GTPBP10: variants seen among roughly 807,000 people sequenced by gnomAD.
GTPBP10 encodes GTP-binding protein 10.
A neutral mutation model predicts 44.8 loss-of-function variants in GTPBP10; 38 were observed. The observed-to-expected ratio is 0.85, with a 90% CI of 0.65 to 1.11. The LOEUF is 1.11. GTPBP10 is among the 50% of genes most tolerant of loss of function. GTPBP10 has a pLI of 0.00. For synonymous variants in GTPBP10, 152 were observed against 150.6 expected (o/e 1.01, Z -0.07); for missense variants, 462 against 453.7 (o/e 1.02, Z -0.17).
At chr7:90,360,389 T>C (rs1795992678) in intron 4 of GTPBP10, among the ~76,000 whole-genome samples, 1 of 152,156 alleles carries the variant, frequency 6.6e-6, no homozygotes, top group Admixed American at 6.5e-5. Flanking sequence ...CCATTTATTA[T>C]ATAGAGAATC....
chr7:90,347,499 T>C (rs1230193681), intron 1 of GTPBP10: 2 of 454,912 alleles, frequency 4.4e-6, no homozygotes, highest in East Asian at 1.5e-4. Flanking sequence ...TTCAACTTTC[T>C]TGAAAAAAAA....
At position 90,355,079 on chromosome 7, in the gene GTPBP10, T is replaced by G. The variant is rs1410794059; in HGVS notation, c.320-7T>G. ...TTGCTGTAAGTATTTCTCTCCCTCT[T>G]TTTAAGGAGAACTCAATAAAGAAAA... On this transcript the variant is annotated splice_region_variant and splice_polypyrimidine_tract_variant and intron_variant, in intron 3 of 9. Transcript: ENST00000222511. 6.5e-7 allele frequency: 1 copy of G among 1,542,152 alleles called. No homozygotes were observed. The highest frequency in any genetic ancestry group is 1.2e-5 in the South Asian group (1 of 85,396).
chr7:90,356,210 A>G (rs1209266238), intron 4 of GTPBP10, among the ~76,000 whole-genome samples: 1 of 152,022 alleles, frequency 6.6e-6, no homozygotes, highest in African/African-American at 2.4e-5. Context: ...CAGCCACTAG[A>G]GCTTACCACC....
intron 4 of GTPBP10, among the ~76,000 whole-genome samples, chr7:90,371,645 G>T (rs958736128): frequency 1.3e-5 from 2 of 152,192 alleles, no homozygotes; most frequent in African/African-American, 4.8e-5. Context: ...GTAACGTACA[G>T]ACCTTACTTG....
At chr7:90,360,722 C>T (rs2115659519) in intron 4 of GTPBP10, among the ~76,000 whole-genome samples, 2 of 152,208 alleles carry the variant, frequency 1.3e-5, no homozygotes, top group African/African-American at 4.8e-5. Flanking sequence ...CTATAAATTA[C>T]CTTGGGCAGT....
rs1178005442 is a variant in GTPBP10 at position 90,347,519 on chromosome 7, G to C, written c.33+745G>C. On this transcript the variant is annotated intron_variant, in intron 1 of 9. Transcript: ENST00000222511. ...CTTTCTTGAAAAAAAAATCCCATTT[G>C]TTTTTTATAATAGCTATCCTAAATG... The C allele has an allele frequency of 3.4e-5, 18 of 527,388 alleles. No homozygotes were observed. In the Admixed American group the frequency reaches 1.1e-3, roughly 34 times the overall value. The allele number at this position is 527,388 out of a possible 1,614,324, so 32.7% of individuals were successfully genotyped here.
chr7:90,352,244 TAAACC>T (rs1795804414), intron 1 of GTPBP10, among the ~76,000 whole-genome samples: 1 of 152,218 alleles, frequency 6.6e-6, no homozygotes, highest in Non-Finnish European at 1.5e-5. Context: ...AATGAATATG[TAAACC>T]ATGGTTCTGT....
At position 90,389,333 on chromosome 7, in the gene GTPBP10, ATGG is replaced by A. The variant is rs1342308504; in HGVS notation, c.*4182_*4184del. On this transcript the variant is annotated 3_prime_UTR_variant, in exon 10 of 10. Coordinates refer to ENST00000222511, the MANE Select transcript of GTPBP10 (RefSeq NM_033107.4). ...AGCGATGTCATTTTTTTAAAGTTGG[ATGG>A]TGAATACATGAGTTGTTTTTTAAAC... is the stretch of plus-strand genomic sequence containing the variant. 6.6e-6 allele frequency: 1 copy of A among 152,032 alleles called. No homozygotes were observed. Among genetic ancestry groups the A allele is most frequent in the Non-Finnish European group, 1.5e-5 (1 of 68,008 alleles). The allele number at this position is 152,032 out of a possible 1,614,324, so 9.4% of individuals were successfully genotyped here. A position where few individuals can be genotyped will look rare whatever the true frequency, so the allele number is the denominator to read the frequency against.
intron 6 of GTPBP10, among the ~76,000 whole-genome samples, chr7:90,374,869 T>C (rs149072432): frequency 1.4e-4 from 22 of 152,328 alleles, no homozygotes; most frequent in African/African-American, 4.3e-4. Flanking sequence ...ATCTAGTAGT[T>C]GTGCTCCTTA....
chr7:90,360,940 CT>C (rs1461924707), intron 4 of GTPBP10, among the ~76,000 whole-genome samples: 1 of 152,086 alleles, frequency 6.6e-6, no homozygotes, highest in Non-Finnish European at 1.5e-5. Context: ...CTCTGTTTAT[CT>C]GTTATTGGTG....
At chr7:90,383,127 G>A in intron 9 of GTPBP10, 48 bp downstream of exon 9, 2 of 1,373,120 alleles carry the variant, frequency 1.5e-6, no homozygotes, top group Non-Finnish European at 2.0e-6. Flanking sequence ...TAATTACAAT[G>A]TACAGAGAAT....
chr7:90,366,018 T>A (rs1796127928), intron 4 of GTPBP10, among the ~76,000 whole-genome samples: 1 of 152,250 alleles, frequency 6.6e-6, no homozygotes, highest in African/African-American at 2.4e-5. Context: ...TCTATTGAGA[T>A]AATCATGTGG....
intron 8 of GTPBP10, among the ~76,000 whole-genome samples, chr7:90,382,247 C>A (rs1796446150): frequency 6.6e-6 from 1 of 152,002 alleles, no homozygotes; most frequent in South Asian, 2.1e-4. Context: ...TCATGAAATT[C>A]CATTTGTTTC....
chr7:90,374,408 GGTAC>G, intron 6 of GTPBP10, 54 bp downstream of exon 6: 1 of 1,141,814 alleles, frequency 8.8e-7, no homozygotes, highest in East Asian at 2.4e-5. Context: ...ACTTGGTTTT[GGTAC>G]GTACTTGGAT....
At position 90,383,040 on chromosome 7, in the gene GTPBP10, A is replaced by C. The variant is rs763979038; in HGVS notation, c.862A>C (p.Lys288Gln). The C allele has an allele frequency of 2.5e-6, 4 of 1,594,938 alleles. No individual in the cohort carries two copies. Among genetic ancestry groups the C allele is most frequent in the South Asian group, 1.1e-5 (1 of 86,992 alleles). The change falls in exon 9 of 10, where the codon AAG becomes CAG. Residue 288 changes from lysine to glutamine, a missense_variant. By Grantham distance (53) the Lys-to-Gln change is moderately conservative. Coordinates refer to ENST00000222511, the MANE Select transcript of GTPBP10 (RefSeq NM_033107.4). ...AATGGACTTGCCAGATGCCCAAGAT[A>C]AGTTCCATGAATTGATGAGCCAGCT... ...NKMDLPDAQD[K>Q]FHELMSQLQN...
At chr7:90,349,439 C>A (rs1002004544) in intron 1 of GTPBP10, among the ~76,000 whole-genome samples, 1 of 152,070 alleles carries the variant, frequency 6.6e-6, no homozygotes, top group Non-Finnish European at 1.5e-5. Context: ...GGGGCACTGT[C>A]CATTAGCAGA....
intron 4 of GTPBP10, among the ~76,000 whole-genome samples, chr7:90,369,222 A>C (rs1054000318): frequency 2.6e-5 from 4 of 152,146 alleles, no homozygotes; most frequent in African/African-American, 9.7e-5. Flanking sequence ...CCCTACTGGG[A>C]GGTGTCTCCC....
At chr7:90,384,756 A>C (rs1427486245) in intron 9 of GTPBP10, 136 bp from the exon 10 acceptor site, 1 of 715,508 alleles carries the variant, frequency 1.4e-6, no homozygotes, top group East Asian at 2.7e-5. Flanking sequence ...GGCTCTGAGA[A>C]CTTATTAGAA....
chr7:90,378,282 A>T (rs1796379036), intron 8 of GTPBP10, 71 bp downstream of exon 8: 1 of 1,500,548 alleles, frequency 6.7e-7, no homozygotes, highest in African/African-American at 1.4e-5. Flanking sequence ...ATGAAATAAC[A>T]TAATTACAGT....
Sources: allele counts gnomAD v4.1 joint callset (sites outside exome capture counted in the v4.1 genomes callset), GRCh38; gene constraint gnomAD v4.1.1; transcripts MANE v1.5; gene names NCBI Gene and HGNC (gene_info 2026-07-23, HGNC 2026-07-21).